GAB1: variants seen among roughly 807,000 people sequenced by gnomAD.
GAB1 encodes GRB2 associated binding protein 1.
In GAB1, 19 loss-of-function variants were observed where a neutral mutation model predicts 66.5. The ratio of observed to expected loss-of-function variants is 0.29; its 90% CI spans 0.20 to 0.42. GAB1 has a LOEUF of 0.42. GAB1 is among the 10% of genes least tolerant of loss of function. The pLI is 1.00. For missense variants in GAB1, 732 were observed against 858.5 expected, an observed-to-expected ratio of 0.85 and a Z score of 1.84; for synonymous variants, 294 against 301.4, an observed-to-expected ratio of 0.98 and a Z score of 0.25.
intron 2 of GAB1, among the ~76,000 whole-genome samples, chr4:143,420,290 G>T (rs1039652546): frequency 2.0e-5 from 3 of 152,022 alleles, no homozygotes; most frequent in African/African-American, 7.2e-5. Context: ...CATTTCTATA[G>T]ACTGGTTATC....
intron 2 of GAB1, chr4:143,426,042 T>C: frequency 1.7e-6 from 1 of 587,402 alleles, no homozygotes; most frequent in Non-Finnish European, 3.0e-6. Flanking sequence ...TATAAGGTGT[T>C]AGAGTTTGTT....
chr4:143,444,323 A>G (rs1052366547), intron 6 of GAB1, among the ~76,000 whole-genome samples: 6 of 152,090 alleles, frequency 3.9e-5, no homozygotes, highest in African/African-American at 1.4e-4. Context: ...TTGTCCATTC[A>G]CGCCTTTCTG....
chr4:143,437,180 T>A (rs1318748674), intron 3 of GAB1, among the ~76,000 whole-genome samples: 1 of 152,208 alleles, frequency 6.6e-6, no homozygotes, highest in Non-Finnish European at 1.5e-5. Context: ...AGAAATATTG[T>A]TTAAATTCCT....
chr4:143,422,689 C>T (rs953152329), intron 2 of GAB1, among the ~76,000 whole-genome samples: 24 of 152,262 alleles, frequency 1.6e-4, no homozygotes, highest in Middle Eastern at 3.4e-3. Context: ...GGCTAGGGGT[C>T]ATGTGGGCCA....
intron 1 of GAB1, among the ~76,000 whole-genome samples, chr4:143,388,417 G>GT (rs1296952418): frequency 1.3e-5 from 2 of 152,060 alleles, no homozygotes; most frequent in African/African-American, 2.4e-5. Flanking sequence ...GCAAATAGAG[G>GT]TTTTTTTGTG....
At chr4:143,386,774 A>G (rs1255312112) in intron 1 of GAB1, among the ~76,000 whole-genome samples, 2 of 152,184 alleles carry the variant, frequency 1.3e-5, no homozygotes, top group African/African-American at 2.4e-5. Context: ...GAGGTCAGGT[A>G]TGTGAATTCT....
Position 143,337,021 on chromosome 4 carries a change from C to A in GAB1, c.-168C>A. 1 of 615,492 alleles carries A rather than the reference C, an allele frequency of 1.6e-6. No homozygotes were observed. Among genetic ancestry groups the A allele is most frequent in the Non-Finnish European group, 2.9e-6 (1 of 350,160 alleles). The allele number at this position is 615,492 out of a possible 1,614,324, so 38.1% of individuals were successfully genotyped here. A position where few individuals can be genotyped will look rare whatever the true frequency, so the allele number is the denominator to read the frequency against. The stretch of plus-strand genomic sequence containing the variant: ...TTCGTGGGCCTGCAGAGGAGAGACT[C>A]GAACTCGTGGAACCCGCGCACCGTG... On this transcript the variant is annotated 5_prime_UTR_variant, in exon 1 of 10. Transcript: ENST00000262994.
chr4:143,444,929 A>G (rs111552346), intron 6 of GAB1, among the ~76,000 whole-genome samples: 12,261 of 152,198 alleles, frequency 0.081, 980 homozygotes, highest in African/African-American at 0.21. Flanking sequence ...TGCAAAGGAA[A>G]TGATTTCATT....
chr4:143,353,109 A>T (rs773510455), intron 1 of GAB1, among the ~76,000 whole-genome samples: 10 of 152,356 alleles, frequency 6.6e-5, no homozygotes, highest in Admixed American at 1.3e-4. Flanking sequence ...CTTAAAGATG[A>T]AGAGGAGAGA....
At chr4:143,349,757 T>C in intron 1 of GAB1, 2 of 1,590,054 alleles carry the variant, frequency 1.3e-6, no homozygotes, top group Non-Finnish European at 1.7e-6. Context: ...ACGTGGCCAT[T>C]GTAGTCCCCG....
intron 1 of GAB1, among the ~76,000 whole-genome samples, chr4:143,382,694 G>A (rs927353696): frequency 6.6e-6 from 1 of 152,152 alleles, no homozygotes; most frequent in South Asian, 2.1e-4. Flanking sequence ...GAGAAAGTCT[G>A]AGAAACAACA....
At chr4:143,376,787 T>C (rs1367220602) in intron 1 of GAB1, 1 of 152,250 alleles carries the variant, frequency 6.6e-6, no homozygotes, top group Non-Finnish European at 1.5e-5. Flanking sequence ...ACCTTTTGAT[T>C]GTAAACAGCT....
At chr4:143,395,924 G>A (rs1731430268) in intron 1 of GAB1, 5 of 455,738 alleles carry the variant, frequency 1.1e-5, no homozygotes, top group South Asian at 6.2e-5. Flanking sequence ...GGAAATTGCA[G>A]GATGAAATTT....
At chr4:143,368,736 C>T (rs899094570) in intron 1 of GAB1, among the ~76,000 whole-genome samples, 3 of 152,008 alleles carry the variant, frequency 2.0e-5, no homozygotes, top group Admixed American at 6.5e-5. Flanking sequence ...TTGCTTGCTG[C>T]GATACAAGGC....
chr4:143,373,866 TAA>T lies in GAB1; in HGVS notation c.72+36608_72+36609del, dbSNP rs1491392304. ...CTCTCTCTCTCTCTCTGTAAATAAA[TAA>T]ATATATATATATATATATTTTTACC... is the stretch of plus-strand genomic sequence containing the variant. On this transcript the variant is annotated intron_variant, in intron 1 of 9. Transcript: ENST00000262994. 4.5e-3 allele frequency among the ~76,000 whole-genome samples: 561 copies of T among 124,426 alleles called. 56 individuals are homozygous for T. The highest frequency in any genetic ancestry group is 0.022 in the East Asian group (104 of 4,778). 81.6% of individuals were successfully genotyped at this position (124,426 alleles called of 152,430 possible). A position where few individuals can be genotyped will look rare whatever the true frequency, so the allele number is the denominator to read the frequency against.
At position 143,440,328 on chromosome 4, in the gene GAB1, G is replaced by C; in HGVS notation, c.1531G>C (p.Val511Leu). Residue 511 changes from valine to leucine, a missense_variant, in exon 6 of 10, where the codon GTT becomes CTT. By Grantham distance (32) the Val-to-Leu change is conservative. Around this residue, in one of 4 missense-constraint regions of GAB1, gnomAD observed 204 missense variants for 276.8 expected, o/e 0.74. Transcript: ENST00000262994. ...PKTPPRRPVPVADCEPPPVDR... is the reference protein window; with the variant it reads ...PKTPPRRPVPLADCEPPPVDR... ...AACCCCTCCCAGAAGGCCAGTTCCT[G>C]TTGCAGACTGTGAACCACCCCCCGT... 6.2e-7 allele frequency: 1 copy of C among 1,614,086 alleles called. No homozygotes were observed. The highest frequency in any genetic ancestry group is 8.5e-7 in the Non-Finnish European group (1 of 1,179,984).
chr4:143,469,279 T>C lies in GAB1; in HGVS notation c.*90T>C. ...AATGACTTGACACTTCCACTCTAGGTAGATCCTCAAATGAGTAGAGTTGAA... is the reference window on the plus strand; with the variant it reads ...AATGACTTGACACTTCCACTCTAGGCAGATCCTCAAATGAGTAGAGTTGAA... On this transcript the variant is annotated 3_prime_UTR_variant, in exon 10 of 10. Transcript: ENST00000262994. 7.5e-7 allele frequency: 1 copy of C among 1,327,926 alleles called. No homozygotes were observed. The highest frequency in any genetic ancestry group is 1.0e-6 in the Non-Finnish European group (1 of 964,140). The allele number at this position is 1,327,926 out of a possible 1,614,324, so 82.3% of individuals were successfully genotyped here.
chr4:143,349,905 G>C, intron 1 of GAB1: 2 of 1,546,634 alleles, frequency 1.3e-6, no homozygotes, highest in Non-Finnish European at 1.7e-6. Flanking sequence ...TGGGCAGAGA[G>C]AAGAGATAGA....
In GAB1 at chr4:143,471,059, C is replaced by T. The variant is rs934767919; in HGVS notation, c.*1870C>T. On this transcript the variant is annotated 3_prime_UTR_variant, in exon 10 of 10. Transcript: ENST00000262994. Reference sequence around the variant, plus strand: ...AATGTGCCTAAACTATCAAAACACACGATACAGCTAATGTGTAAAGATGCT... The same window carrying T: ...AATGTGCCTAAACTATCAAAACACATGATACAGCTAATGTGTAAAGATGCT... 6 of 152,078 alleles carry T rather than the reference C, an allele frequency of 3.9e-5. No homozygotes were observed. Among genetic ancestry groups the T allele is most frequent in the South Asian group, 2.1e-4 (1 of 4,824 alleles). The allele number at this position is 152,078 out of a possible 1,614,324, so 9.4% of individuals were successfully genotyped here. A position where few individuals can be genotyped will look rare whatever the true frequency, so the allele number is the denominator to read the frequency against.
Sources: allele counts gnomAD v4.1 joint callset (sites outside exome capture counted in the v4.1 genomes callset), GRCh38; gene constraint gnomAD v4.1.1; regional missense constraint gnomAD v4.1.1; transcripts MANE v1.5; gene names NCBI Gene and HGNC (gene_info 2026-07-23, HGNC 2026-07-21).